Variants in KAZN observed in about 807,000 individuals in gnomAD.
KAZN encodes the protein kazrin.
In KAZN, 40 loss-of-function variants were observed where a neutral mutation model predicts 87.4. The observed-to-expected ratio is 0.46, with a 90% confidence interval of 0.36 to 0.60. The LOEUF is 0.60. Among genes scored for constraint, KAZN ranks in the 20% least tolerant of loss-of-function variants. KAZN has a pLI of 0.00. For synonymous variants in KAZN, 466 were observed against 458.3 expected (o/e 1.02, Z -0.22); for missense variants, 898 against 1,073.9 (o/e 0.84, Z 2.29).
At chr1:14,263,535 G>A (rs1046128541) in intron 2 of KAZN, among the ~76,000 whole-genome samples, 10 of 152,074 alleles carry the variant, frequency 6.6e-5, no homozygotes, top group East Asian at 3.9e-4. Flanking sequence ...TTGTCATCAC[G>A]TCAGCCAGGA....
At chr1:15,003,261 C>T (rs181564655) in intron 2 of KAZN, among the ~76,000 whole-genome samples, 40 of 152,252 alleles carry the variant, frequency 2.6e-4, no homozygotes, top group East Asian at 1.5e-3. Context: ...AAACACAGGG[C>T]GTGGATCCGG....
At chr1:14,387,729 G>A (rs1662054648) in intron 2 of KAZN, among the ~76,000 whole-genome samples, 1 of 151,922 alleles carries the variant, frequency 6.6e-6, no homozygotes, top group African/African-American at 2.4e-5. Context: ...CTGTCAGACA[G>A]GGACATTTAA....
chr1:14,475,312 T>A (rs1301246540), intron 2 of KAZN, among the ~76,000 whole-genome samples: 1 of 152,206 alleles, frequency 6.6e-6, no homozygotes, highest in Non-Finnish European at 1.5e-5. Flanking sequence ...AAGAAGGAAT[T>A]AATTAAGAAG....
In KAZN at chr1:14,937,384, G is replaced by T. The variant is rs554232581; in HGVS notation, c.227-23300G>T. 5.9e-5 allele frequency among the ~76,000 whole-genome samples: 9 copies of T among 152,294 alleles called. No individual in the cohort carries two copies. The East Asian group carries it at 1.7e-3, about 29-fold the overall frequency. ...TTTTACGAGTTGTTTGTACTTTCCT[G>T]CCTTTCCCTTCCCCCTCCATCTTCA... On this transcript the variant is annotated intron_variant, in intron 1 of 14. Coordinates refer to ENST00000376030, the MANE Select transcript of KAZN (RefSeq NM_201628.3).
intron 2 of KAZN, among the ~76,000 whole-genome samples, chr1:14,310,123 G>T (rs1295941858): frequency 2.0e-5 from 3 of 152,162 alleles, no homozygotes; most frequent in African/African-American, 7.2e-5. Context: ...TGAAAGAAAG[G>T]TTGGCTTTGA....
intron 1 of KAZN, among the ~76,000 whole-genome samples, chr1:14,841,888 G>A (rs748088008): frequency 6.6e-6 from 1 of 152,108 alleles, no homozygotes; most frequent in Non-Finnish European, 1.5e-5. Flanking sequence ...AGCCACTCCA[G>A]CATCCTGACT....
intron 1 of KAZN, among the ~76,000 whole-genome samples, chr1:14,695,144 CT>C (rs763396794): frequency 6.6e-6 from 1 of 152,242 alleles, no homozygotes; most frequent in African/African-American, 2.4e-5. Context: ...GAACTTTCTA[CT>C]GCAATGATGC....
intron 1 of KAZN, among the ~76,000 whole-genome samples, chr1:14,165,630 G>A (rs192990993): frequency 6.6e-6 from 1 of 152,278 alleles, no homozygotes; most frequent in East Asian, 1.9e-4. Context: ...GTTCAGGGTG[G>A]TTTCTCCTTA....
Position 15,094,456 on chromosome 1 carries a change from C to A in KAZN, c.1428+71C>A. ...TGAGCTTTACGTACCCAGAAGCTGGCCTGCCCCCCACTCCTACCCTGGAGT... is the reference window on the plus strand; with the variant it reads ...TGAGCTTTACGTACCCAGAAGCTGGACTGCCCCCCACTCCTACCCTGGAGT... On this transcript the variant is annotated intron_variant, in intron 9 of 14. Coordinates refer to ENST00000376030, the MANE Select transcript of KAZN (RefSeq NM_201628.3). This position sits in a 1 kb window ranked among gnomAD's most constrained non-coding sequence, Gnocchi z 4.5. 7.1e-7 allele frequency: 1 copy of A among 1,410,048 alleles called. No individual in the cohort carries two copies. The highest frequency in any genetic ancestry group is 9.7e-7 in the Non-Finnish European group (1 of 1,028,218). 87.3% of individuals were successfully genotyped at this position (1,410,048 alleles called of 1,614,324 possible).
At chr1:13,993,044 C>CCAGCG (rs1639357166) in intron 1 of KAZN, among the ~76,000 whole-genome samples, 1 of 152,152 alleles carries the variant, frequency 6.6e-6, no homozygotes, top group Non-Finnish European at 1.5e-5. Context: ...CCCCTTTGCT[C>CCAGCG]CAGTGATGTC....
intron 1 of KAZN, among the ~76,000 whole-genome samples, chr1:13,947,257 G>C (rs1281619937): frequency 6.6e-6 from 1 of 152,140 alleles, no homozygotes; most frequent in African/African-American, 2.4e-5. Flanking sequence ...GCAAGAGCAG[G>C]GAAAACTGCC....
chr1:14,674,229 G>T (rs1229791377), intron 1 of KAZN, among the ~76,000 whole-genome samples: 1 of 152,134 alleles, frequency 6.6e-6, no homozygotes, highest in Admixed American at 6.5e-5. Flanking sequence ...TCTAAATTAG[G>T]TGGCATTGAA....
At chr1:14,171,905 A>G (rs972883020) in intron 1 of KAZN, among the ~76,000 whole-genome samples, 2 of 152,244 alleles carry the variant, frequency 1.3e-5, no homozygotes, top group Non-Finnish European at 2.9e-5. Flanking sequence ...TTCTGAAAAC[A>G]TTAAGAAATT....
At chr1:14,462,567 T>G (rs2148351871) in intron 2 of KAZN, among the ~76,000 whole-genome samples, 1 of 152,264 alleles carries the variant, frequency 6.6e-6, no homozygotes, top group South Asian at 2.1e-4. Flanking sequence ...TGTACTAGTT[T>G]GTTCTCATGC....
At chr1:14,459,189 C>G (rs901943661) in intron 2 of KAZN, among the ~76,000 whole-genome samples, 3 of 152,084 alleles carry the variant, frequency 2.0e-5, no homozygotes, top group African/African-American at 7.2e-5. Flanking sequence ...TGCCATTTCC[C>G]CCTACCCTGT....
At chr1:14,552,392 C>T (rs1373207440) in intron 2 of KAZN, among the ~76,000 whole-genome samples, 1 of 152,220 alleles carries the variant, frequency 6.6e-6, no homozygotes, top group Admixed American at 6.5e-5. Flanking sequence ...GCAGCTGCCT[C>T]CCAGGCCCAG....
intron 2 of KAZN, among the ~76,000 whole-genome samples, chr1:14,391,763 G>A (rs916666158): frequency 6.6e-6 from 1 of 152,162 alleles, no homozygotes; most frequent in Non-Finnish European, 1.5e-5. Context: ...TCAGGCTTTT[G>A]TTTATTCTCT....
chr1:15,035,064 T>C (rs1198772440), intron 3 of KAZN, among the ~76,000 whole-genome samples, 179 bp downstream of exon 3: 2 of 150,722 alleles, frequency 1.3e-5, no homozygotes, highest in African/African-American at 4.9e-5. Context: ...CGGAGAGGGA[T>C]CTCCATGTCT....
At chr1:13,987,639 C>T (rs11802754) in intron 1 of KAZN, among the ~76,000 whole-genome samples, 24,025 of 151,712 alleles carry the variant, frequency 0.16, 2,106 homozygotes, top group African/African-American at 0.19. Context: ...CATCATATGG[C>T]ACAAGACATC....
Sources: gnomAD v4.1 joint callset for allele counts (sites outside exome capture counted in the v4.1 genomes callset) on GRCh38, gnomAD v4.1.1 for gene constraint, Gnocchi (gnomAD v3.1) non-coding constraint, MANE v1.5 for transcripts, NCBI Gene and HGNC (gene_info 2026-07-23, HGNC 2026-07-21) for gene names.